Variants in PCNX2 observed in about 807,000 individuals in gnomAD.
PCNX2 encodes pecanex-like protein 2.
A neutral mutation model predicts 223.8 loss-of-function variants in PCNX2; 168 were observed. The observed-to-expected ratio is 0.75, with a 90% confidence interval of 0.66 to 0.85. The LOEUF (loss-of-function observed/expected upper bound fraction) is 0.85. PCNX2 is among the 40% of genes least tolerant of loss of function. The pLI, the probability that PCNX2 is intolerant of heterozygous loss-of-function variation, is 0.00. For missense variants in PCNX2, 2,507 were observed against 2,675.5 expected (o/e 0.94, Z 1.39); for synonymous variants, 1,006 against 1,052.6 (o/e 0.96, Z 0.86).
the PCNX2 span, among the ~76,000 whole-genome samples, chr1:233,312,958 G>A: frequency 9.9e-5 from 15 of 151,974 alleles, no homozygotes; most frequent in African/African-American, 3.4e-4. Flanking sequence ...CATAGACACT[G>A]TGTACCCAGA....
chr1:233,205,277 CT>C (rs1558341667), intron 13 of PCNX2, among the ~76,000 whole-genome samples: 2 of 152,236 alleles, frequency 1.3e-5, no homozygotes, highest in African/African-American at 4.8e-5. Flanking sequence ...GCAAAAGGCA[CT>C]TTTTAAGTCC....
At chr1:233,285,305 T>C (rs1297232585) in intron 1 of PCNX2, among the ~76,000 whole-genome samples, 1 of 151,642 alleles carries the variant, frequency 6.6e-6, no homozygotes. Flanking sequence ...TGAGTTACAA[T>C]TACGCCACTG....
chr1:233,074,023 T>C (rs1432359873), intron 23 of PCNX2, among the ~76,000 whole-genome samples: 1 of 152,190 alleles, frequency 6.6e-6, no homozygotes, highest in Non-Finnish European at 1.5e-5. Flanking sequence ...TTTTCATTCA[T>C]CTTGAAGTAG....
At chr1:233,318,969 C>T in the PCNX2 span, among the ~76,000 whole-genome samples, 1 of 152,136 alleles carries the variant, frequency 6.6e-6, no homozygotes, top group African/African-American at 2.4e-5. Context: ...CCAGCCACCC[C>T]AAGACTTCAG....
rs78831122 is a variant in PCNX2, at chr1:233,256,293, A to G, written c.1834+1735T>C. Among the ~76,000 whole-genome samples, 1,136 of 152,230 alleles carry G rather than the reference A, an allele frequency of 7.5e-3. 9 individuals are homozygous for G. The highest frequency in any genetic ancestry group is 0.023 in the South Asian group (112 of 4,828). ...TTGATCAAATAGCAAAATTTTTCAC[A>G]TATTTTCCTAATTGAATCCTCACAA... On this transcript the variant is annotated intron_variant, in intron 5 of 33. Coordinates refer to ENST00000258229, the MANE Select transcript of PCNX2 (RefSeq NM_014801.4).
chr1:233,324,230 G>C, the PCNX2 span, among the ~76,000 whole-genome samples: 1 of 152,156 alleles, frequency 6.6e-6, no homozygotes, highest in Non-Finnish European at 1.5e-5. Flanking sequence ...AAAAGTGCAC[G>C]GTGAAGCAGC....
At chr1:233,073,323 A>C (rs1216672379) in intron 23 of PCNX2, among the ~76,000 whole-genome samples, 1 of 152,166 alleles carries the variant, frequency 6.6e-6, no homozygotes, top group Non-Finnish European at 1.5e-5. Context: ...TATGTTTTCA[A>C]AAAACAAACT....
At chr1:233,245,819 G>A (rs1272152341) in intron 8 of PCNX2, among the ~76,000 whole-genome samples, 1 of 152,156 alleles carries the variant, frequency 6.6e-6, no homozygotes, top group Non-Finnish European at 1.5e-5. Flanking sequence ...AGGAGGCTGA[G>A]GCAGGAGAAT....
At position 233,173,240 on chromosome 1, in the gene PCNX2, C is replaced by T. The variant is rs193003074; in HGVS notation, c.3273+4562G>A. 8.7e-3 allele frequency among the ~76,000 whole-genome samples: 1,325 copies of T among 151,912 alleles called. 24 individuals are homozygous for T. Among genetic ancestry groups the T allele is most frequent in the African/African-American group, 0.031 (1,265 of 41,394 alleles). Reference sequence around the variant, plus strand: ...AGGCTGGAATGCAGTGGCGCGATCTCGCTGCAACCTCCACCTCCCGGGTTC... The same window carrying T: ...AGGCTGGAATGCAGTGGCGCGATCTTGCTGCAACCTCCACCTCCCGGGTTC... On this transcript the variant is annotated intron_variant, in intron 17 of 33. Coordinates refer to ENST00000258229, the MANE Select transcript of PCNX2 (RefSeq NM_014801.4).
chr1:233,004,105 G>A (rs957572847), intron 28 of PCNX2, among the ~76,000 whole-genome samples: 1 of 151,458 alleles, frequency 6.6e-6, no homozygotes, highest in South Asian at 2.1e-4. Context: ...ATACCTGCAC[G>A]TTCTGCACAT....
At chr1:233,115,396 A>G (rs1284882147) in intron 21 of PCNX2, among the ~76,000 whole-genome samples, 1 of 152,214 alleles carries the variant, frequency 6.6e-6, no homozygotes, top group Non-Finnish European at 1.5e-5. Context: ...GCTTTAAGGG[A>G]AACCGAAAGT....
intron 15 of PCNX2, among the ~76,000 whole-genome samples, chr1:233,190,670 C>T (rs79681412): frequency 0.087 from 13,248 of 152,124 alleles, 1,362 homozygotes; most frequent in African/African-American, 0.26. Flanking sequence ...CCAGTTTCAA[C>T]TGGTCAAAGC....
chr1:233,173,041 C>T (rs1409455780), intron 17 of PCNX2, among the ~76,000 whole-genome samples: 1 of 152,144 alleles, frequency 6.6e-6, no homozygotes, highest in Non-Finnish European at 1.5e-5. Flanking sequence ...TTGATTGTGA[C>T]ATTTAATTTT....
chr1:232,986,956 T>C (rs933590400), intron 32 of PCNX2, among the ~76,000 whole-genome samples: 2 of 152,202 alleles, frequency 1.3e-5, no homozygotes, highest in Non-Finnish European at 2.9e-5. Context: ...TGATCCTGGC[T>C]CAGGACCTTG....
chr1:233,239,545 G>T (rs907990241), intron 8 of PCNX2, among the ~76,000 whole-genome samples: 5 of 152,112 alleles, frequency 3.3e-5, no homozygotes, highest in African/African-American at 1.2e-4. Context: ...ACAGAACTAG[G>T]TTAAAGTATA....
Position 233,016,912 on chromosome 1 carries a change from C to T in PCNX2, c.4839+9G>A, listed in dbSNP as rs1007009686. The T allele has an allele frequency of 1.3e-6, 2 of 1,593,618 alleles. No homozygotes were observed. Among genetic ancestry groups the T allele is most frequent in the Admixed American group, 1.7e-5 (1 of 59,754 alleles). On this transcript the variant is annotated intron_variant, in intron 27 of 33. Transcript: ENST00000258229. The stretch of plus-strand genomic sequence containing the variant: ...ATTCCATGCCTCAGCCCCCACCTCC[C>T]TGACCTACCTCTTGTCTTTTCCGTG...
intron 2 of PCNX2, 66 bp from the exon 3 acceptor site, chr1:233,262,231 G>T (rs1422009615): frequency 1.9e-6 from 3 of 1,576,054 alleles, no homozygotes; most frequent in Admixed American, 3.8e-5. Flanking sequence ...GACTCTTTTA[G>T]TACTAGTCTA....
At chr1:233,087,990 T>C (rs1673689240) in intron 23 of PCNX2, among the ~76,000 whole-genome samples, 2 of 152,230 alleles carry the variant, frequency 1.3e-5, no homozygotes, top group African/African-American at 4.8e-5. Context: ...AATCACTTCT[T>C]TGTGGGACTG....
rs190517778 is a variant in PCNX2 at position 233,285,378 on chromosome 1, T to G, written c.153+9948A>C. 2.9e-3 allele frequency among the ~76,000 whole-genome samples: 439 copies of G among 151,884 alleles called. 5 individuals carry two copies. The highest frequency in any genetic ancestry group is 2.0e-3 in the Non-Finnish European group (139 of 67,916). On this transcript the variant is annotated intron_variant, in intron 1 of 33. Transcript: ENST00000258229. ...AAGAAATAATAATAAAATTAAAAAT[T>G]AAAAATAAACTTGGTGGCCAGGCTC...
Sources: allele counts gnomAD v4.1 joint callset (sites outside exome capture counted in the v4.1 genomes callset), GRCh38; gene constraint gnomAD v4.1.1; transcripts MANE v1.5; gene names NCBI Gene and HGNC (gene_info 2026-07-23, HGNC 2026-07-21).